ANKRD60: variants seen among roughly 807,000 people sequenced by gnomAD.
ANKRD60 encodes the protein ankyrin repeat domain 60.
Under a neutral mutation model 21.3 loss-of-function variants are expected in ANKRD60, and 24 were observed. That is an observed-to-expected ratio of 1.13 (90% CI 0.82 to 1.59). ANKRD60 has a LOEUF of 1.59. Ranked by LOEUF, ANKRD60 falls within the 40% of genes most tolerant of loss-of-function variation. The pLI, the probability that ANKRD60 is intolerant of heterozygous loss-of-function variation, is 0.00. For missense variants in ANKRD60, 490 were observed against 466.7 expected (o/e 1.05, Z -0.46); for synonymous variants, 182 against 199.4 (o/e 0.91, Z 0.74).
At chr20:58,220,682 TAGTGTGTG>T (rs2122803589) in intron 3 of ANKRD60, among the ~76,000 whole-genome samples, 1 of 103,868 alleles carries the variant, frequency 9.6e-6, no homozygotes, top group African/African-American at 3.6e-5. Flanking sequence ...GGGTTTTTTC[TAGTGTGTG>T]TGTGTGTGTG....
chr20:58,222,308 T>A (rs554150552), intron 2 of ANKRD60, among the ~76,000 whole-genome samples: 1 of 152,096 alleles, frequency 6.6e-6, no homozygotes, highest in African/African-American at 2.4e-5. Context: ...CTACCCTCCC[T>A]GCCAAGGCTG....
At position 58,228,446 on chromosome 20, in the gene ANKRD60, G is replaced by C. The variant is rs1419845569; in HGVS notation, c.208C>G (p.Arg70Gly). 3.2e-6 allele frequency: 5 copies of C among 1,539,862 alleles called. No homozygotes were observed. The highest frequency in any genetic ancestry group is 2.4e-5 in the East Asian group (1 of 40,866). The stretch of plus-strand genomic sequence containing the variant: ...CAGACGAGCCGCTGGCTCCGGCCGC[G>C]GGCACAGGCCAGGGGCTGCGCGGGG... The change falls in exon 1 of 4, where the codon CGC (arginine) becomes GGC (glycine). Residue 70 changes from arginine to glycine, a missense_variant. Physicochemically the swap from Arg to Gly is moderately radical, Grantham distance 125. Coordinates refer to ENST00000457363, the Ensembl canonical transcript of ANKRD60. This position sits in a 1 kb window ranked among gnomAD's most constrained non-coding sequence, Gnocchi z 5.3.
chr20:58,221,400 A>G, exon 3 of ANKRD60: 1 of 1,552,426 alleles, frequency 6.4e-7, no homozygotes, highest in Non-Finnish European at 8.7e-7. Flanking sequence ...ATACAACGCC[A>G]CAAACGCCCT....
At chr20:58,223,222 T>A (rs570760871) in intron 1 of ANKRD60, 40 bp from the exon 2 acceptor site, 172 of 1,515,760 alleles carry the variant, frequency 1.1e-4, no homozygotes, top group Non-Finnish European at 1.4e-4. Context: ...AAATTGGGTA[T>A]TAAAGATAAA....
chr20:58,225,526 T>C (rs929887241), intron 1 of ANKRD60, among the ~76,000 whole-genome samples: 10 of 152,224 alleles, frequency 6.6e-5, no homozygotes, highest in African/African-American at 2.4e-4. Context: ...TATTTTGGCC[T>C]TCACTGTGCA....
chr20:58,224,680 G>A (rs1480624588), intron 1 of ANKRD60, among the ~76,000 whole-genome samples: 2 of 152,208 alleles, frequency 1.3e-5, no homozygotes, highest in Non-Finnish European at 2.9e-5. Context: ...GAGGATAACC[G>A]GTAATTAGTC....
At chr20:58,227,378 T>A (rs1399439364) in intron 1 of ANKRD60, among the ~76,000 whole-genome samples, 1 of 151,988 alleles carries the variant, frequency 6.6e-6, no homozygotes, top group Non-Finnish European at 1.5e-5. Flanking sequence ...TGATTTGGCA[T>A]CCTTGCAAGA....
At chr20:58,223,096 A>T in exon 2 of ANKRD60, 1 of 1,551,910 alleles carries the variant, frequency 6.4e-7, no homozygotes, top group African/African-American at 1.4e-5. Context: ...AGTTCTGTCC[A>T]TCCGTCATGA....
intron 1 of ANKRD60, among the ~76,000 whole-genome samples, chr20:58,227,394 G>T (rs1984386714): frequency 6.6e-6 from 1 of 152,122 alleles, no homozygotes; most frequent in African/African-American, 2.4e-5. Context: ...CAAGACAAAA[G>T]TGGCTGGAAA....
At chr20:58,219,292 C>A (rs1472049090) in intron 3 of ANKRD60, among the ~76,000 whole-genome samples, 1 of 152,194 alleles carries the variant, frequency 6.6e-6, no homozygotes, top group Non-Finnish European at 1.5e-5. Flanking sequence ...TTAGTTCTCC[C>A]ACCCCATGAA....
At chr20:58,218,750 T>C in exon 4 of ANKRD60, 1 of 1,551,218 alleles carries the variant, frequency 6.4e-7, no homozygotes, top group Non-Finnish European at 8.7e-7. Flanking sequence ...GGCCCATAGC[T>C]GCAGCCACAT....
chr20:58,219,504 C>G (rs1984201464), intron 3 of ANKRD60, among the ~76,000 whole-genome samples: 1 of 152,200 alleles, frequency 6.6e-6, no homozygotes. Flanking sequence ...GGAAATGACG[C>G]AATGGGCAGC....
chr20:58,216,433 A>T (rs2083246522), downstream of ANKRD60, among the ~76,000 whole-genome samples: 1 of 152,214 alleles, frequency 6.6e-6, no homozygotes. Flanking sequence ...GCAAATGCAC[A>T]ACTTTGAGTA....
exon 4 of ANKRD60, chr20:58,218,542 C>A (rs1984178445): frequency 6.4e-7 from 1 of 1,551,752 alleles, no homozygotes; most frequent in South Asian, 1.2e-5. Flanking sequence ...CCAGACTTGA[C>A]CCTCTGCAAA....
At chr20:58,223,160 G>A in exon 2 of ANKRD60, 1 of 1,547,776 alleles carries the variant, frequency 6.5e-7, no homozygotes, top group Non-Finnish European at 8.7e-7. Context: ...GGAACTTCAG[G>A]GTAGTGTCAT....
intron 1 of ANKRD60, among the ~76,000 whole-genome samples, 188 bp from the exon 2 acceptor site, chr20:58,223,370 T>C (rs1213315249): frequency 1.3e-5 from 2 of 152,200 alleles, no homozygotes; most frequent in Non-Finnish European, 2.9e-5. Context: ...GAAAATAAAT[T>C]TGGTTCAGCT....
intron 3 of ANKRD60, among the ~76,000 whole-genome samples, chr20:58,220,266 A>G (rs1984219797): frequency 6.6e-6 from 1 of 152,152 alleles, no homozygotes; most frequent in Non-Finnish European, 1.5e-5. Context: ...CTGGGCTGTT[A>G]CAGCTGTTCT....
At chr20:58,218,893 G>GCAGCAGGACCTCCCT in intron 3 of ANKRD60, 88 bp from the exon 4 acceptor site, 1 of 1,301,992 alleles carries the variant, frequency 7.7e-7, no homozygotes, top group Non-Finnish European at 1.0e-6. Flanking sequence ...TGCTCCTCAG[G>GCAGCAGGACCTCCCT]GAGGTCCTGC....
intron 1 of ANKRD60, among the ~76,000 whole-genome samples, chr20:58,224,973 G>T (rs1780818169): frequency 6.6e-6 from 1 of 152,204 alleles, no homozygotes; most frequent in African/African-American, 2.4e-5. Context: ...TTTCACACAT[G>T]ATCTCATTTG....
Sources: gnomAD v4.1 joint callset for allele counts (sites outside exome capture counted in the v4.1 genomes callset) on GRCh38, gnomAD v4.1.1 for gene constraint, Gnocchi (gnomAD v3.1) non-coding constraint, MANE v1.5 for transcripts, NCBI Gene and HGNC (gene_info 2026-07-23, HGNC 2026-07-21) for gene names.